TAX1BP1: variants seen among roughly 807,000 people sequenced by gnomAD.
The protein encoded by TAX1BP1 is Tax1 binding protein 1, also known as tax1-binding protein 1.
A neutral mutation model predicts 97.7 loss-of-function variants in TAX1BP1; 62 were observed. The observed-to-expected ratio is 0.63, with a 90% CI of 0.52 to 0.78. TAX1BP1 has a LOEUF of 0.78. Ranked by LOEUF, TAX1BP1 falls within the 30% of genes least tolerant of loss-of-function variation. TAX1BP1 has a pLI of 0.00. For missense variants in TAX1BP1, 867 were observed against 916.1 expected, an observed-to-expected ratio of 0.95 and a Z score of 0.69; for synonymous variants, 340 against 304.2, an observed-to-expected ratio of 1.12 and a Z score of -1.23.
In TAX1BP1 at chr7:27,793,200, T is replaced by C; in HGVS notation, c.1398T>C (p.Leu466=). The change falls in exon 10 of 17, where the codon CTT becomes CTC. Residue 466 remains leucine (L), a synonymous_variant. Transcript: ENST00000396319. ...CQRLQKQINK[L]SDQSANNNNV... is the part of the protein sequence containing the mutation. ...GGCTCCAAAAACAAATAAACAAACT[T>C]TCAGATCAATCAGTAAGTATCATTA... 6.3e-7 allele frequency: 1 copy of C among 1,583,542 alleles called. No individual in the cohort carries two copies. Among genetic ancestry groups the C allele is most frequent in the Non-Finnish European group, 8.5e-7 (1 of 1,173,016 alleles).
chr7:27,820,613 G>T (rs558352499), intron 15 of TAX1BP1, among the ~76,000 whole-genome samples: 107 of 152,272 alleles, frequency 7.0e-4, no homozygotes, highest in Non-Finnish European at 1.2e-3. Flanking sequence ...AAGAGGAAAA[G>T]AATAGTCTTT....
chr7:27,741,979 A>G (rs914383802), intron 1 of TAX1BP1, among the ~76,000 whole-genome samples: 1 of 152,234 alleles, frequency 6.6e-6, no homozygotes, highest in Non-Finnish European at 1.5e-5. Flanking sequence ...ATATGCATAC[A>G]CATAAACATC....
Position 27,793,194 on chromosome 7 carries a change from C to G in TAX1BP1, c.1392C>G (p.Asn464Lys). 1 of 1,585,988 alleles carries G rather than the reference C, an allele frequency of 6.3e-7. No individual in the cohort carries two copies. Among genetic ancestry groups the G allele is most frequent in the Non-Finnish European group, 8.5e-7 (1 of 1,173,512 alleles). ...GCCAAAGGCTCCAAAAACAAATAAA[C>G]AAACTTTCAGATCAATCAGTAAGTA... The part of the protein sequence containing the change: ...KECQRLQKQI[N>K]KLSDQSANNN... The change falls in exon 10 of 17, where the codon AAC becomes AAG. Residue 464 changes from asparagine (N) to lysine (K), a missense_variant. Asn to Lys is a moderately conservative substitution (Grantham distance 94). This residue lies in a region of TAX1BP1 where 822 missense variants were observed against 851.4 expected (regional missense o/e 0.97). Coordinates refer to ENST00000396319, the MANE Select transcript of TAX1BP1 (RefSeq NM_006024.7).
Position 27,787,321 on chromosome 7 carries a change from C to G in TAX1BP1, c.853-97C>G, listed in dbSNP as rs749736926. 29 of 1,125,522 alleles carry G rather than the reference C, an allele frequency of 2.6e-5. No homozygotes were observed. Among genetic ancestry groups the G allele is most frequent in the Non-Finnish European group, 3.4e-5 (28 of 817,086 alleles). The allele number at this position is 1,125,522 out of a possible 1,614,324, so 69.7% of individuals were successfully genotyped here. The stretch of plus-strand genomic sequence containing the variant: ...AGTCTAGTATGTCTTTCCTTCCTTT[C>G]GTTGTCTTTGGGTTAGAAATATAAT... On this transcript the variant is annotated intron_variant, in intron 7 of 16. Transcript: ENST00000396319.
intron 5 of TAX1BP1, among the ~76,000 whole-genome samples, chr7:27,773,366 T>A (rs1164060598): frequency 6.6e-6 from 1 of 152,106 alleles, no homozygotes; most frequent in African/African-American, 2.4e-5. Flanking sequence ...TACAAAATCA[T>A]GCAACCATTA....
intron 5 of TAX1BP1, among the ~76,000 whole-genome samples, chr7:27,773,000 C>T (rs561080370): frequency 2.4e-4 from 37 of 152,052 alleles, no homozygotes; most frequent in Non-Finnish European, 4.4e-4. Flanking sequence ...CTCCCCTCCT[C>T]TCTTGAAAAA....
At chr7:27,785,579 GC>G in intron 7 of TAX1BP1, 90 bp downstream of exon 7, 1 of 1,051,870 alleles carries the variant, frequency 9.5e-7, no homozygotes, top group Non-Finnish European at 1.4e-6. Flanking sequence ...TTTAGGAGCA[GC>G]TTAGCTGAGT....
At chr7:27,819,009 A>G (rs1790878276) in intron 15 of TAX1BP1, among the ~76,000 whole-genome samples, 3 of 152,204 alleles carry the variant, frequency 2.0e-5, no homozygotes, top group South Asian at 4.1e-4. Context: ...GCCAAAAGAA[A>G]TACAGTAAGT....
intron 8 of TAX1BP1, among the ~76,000 whole-genome samples, chr7:27,790,109 T>C (rs1789648699): frequency 6.6e-6 from 1 of 151,996 alleles, no homozygotes; most frequent in Non-Finnish European, 1.5e-5. Flanking sequence ...TAAGTTATTA[T>C]TGAATTTATG....
intron 15 of TAX1BP1, among the ~76,000 whole-genome samples, chr7:27,823,715 A>G (rs1330692711): frequency 1.3e-5 from 2 of 152,272 alleles, no homozygotes; most frequent in Admixed American, 6.5e-5. Context: ...TGTGCAGCCA[A>G]TCTCTGGAAA....
chr7:27,780,181 G>A (rs1452242488), intron 5 of TAX1BP1, among the ~76,000 whole-genome samples: 1 of 152,088 alleles, frequency 6.6e-6, no homozygotes, highest in Non-Finnish European at 1.5e-5. Flanking sequence ...TCTTTGGAGA[G>A]TATCTTATAA....
chr7:27,749,859 A>G (rs190673875), intron 2 of TAX1BP1, among the ~76,000 whole-genome samples: 14 of 152,174 alleles, frequency 9.2e-5, no homozygotes, highest in African/African-American at 3.4e-4. Flanking sequence ...GTGGTGGGAT[A>G]GTGGCTTACT....
At chr7:27,748,479 A>G (rs759393304) in intron 1 of TAX1BP1, 39 bp from the exon 2 acceptor site, 6 of 1,417,222 alleles carry the variant, frequency 4.2e-6, no homozygotes, top group Non-Finnish European at 5.7e-6. Context: ...GTTTATTCTT[A>G]GTTGGTATAA....
intron 1 of TAX1BP1, among the ~76,000 whole-genome samples, chr7:27,740,876 A>G (rs1210028088): frequency 3.9e-5 from 6 of 152,044 alleles, no homozygotes; most frequent in African/African-American, 7.2e-5. Context: ...TTCACCTGGA[A>G]TCCATTCCCC....
In TAX1BP1 at chr7:27,785,413, T is replaced by C; in HGVS notation, c.776T>C (p.Leu259Pro). Residue 259 changes from leucine to proline, a missense_variant, in exon 7 of 17, where the codon CTC (leucine) becomes CCC (proline). Coordinates refer to ENST00000396319, the MANE Select transcript of TAX1BP1 (RefSeq NM_006024.7). ...ETELDSLKDK[L>P]KKAQHEREQL... ...ACCTATCTTAGTTTAAAGGACAAAC[T>C]CAAGAAGGCACAACATGAAAGAGAA... The C allele has an allele frequency of 6.2e-7, 1 of 1,612,426 alleles. No homozygotes were observed. The highest frequency in any genetic ancestry group is 8.5e-7 in the Non-Finnish European group (1 of 1,179,502).
intron 13 of TAX1BP1, among the ~76,000 whole-genome samples, chr7:27,807,281 A>C (rs1490269161): frequency 6.6e-6 from 1 of 152,164 alleles, no homozygotes; most frequent in Non-Finnish European, 1.5e-5. Flanking sequence ...TAACACTGAC[A>C]CAGTATTATC....
chr7:27,804,150 A>G (rs1306881169), intron 13 of TAX1BP1, among the ~76,000 whole-genome samples: 1 of 152,152 alleles, frequency 6.6e-6, no homozygotes, highest in Non-Finnish European at 1.5e-5. Flanking sequence ...TTTAGACTGT[A>G]TTTTTTAATT....
intron 5 of TAX1BP1, among the ~76,000 whole-genome samples, chr7:27,781,070 C>T (rs1020710479): frequency 1.3e-5 from 2 of 152,088 alleles, no homozygotes; most frequent in African/African-American, 4.8e-5. Flanking sequence ...GGAATAAATT[C>T]ATATTCAGGA....
At chr7:27,754,635 C>T (rs760073903) in intron 2 of TAX1BP1, among the ~76,000 whole-genome samples, 3 of 152,004 alleles carry the variant, frequency 2.0e-5, no homozygotes, top group Non-Finnish European at 2.9e-5. Flanking sequence ...TGCAGTGGTG[C>T]GATCTTGGCT....
Sources: allele counts gnomAD v4.1 joint callset (sites outside exome capture counted in the v4.1 genomes callset), GRCh38; gene constraint gnomAD v4.1.1; regional missense constraint gnomAD v4.1.1; transcripts MANE v1.5; gene names NCBI Gene and HGNC (gene_info 2026-07-23, HGNC 2026-07-21).